The following OPRM1 variants were observed in gnomAD, a reference collection of about 807,000 sequenced individuals.
OPRM1 encodes the protein mu-type opioid receptor.
In OPRM1, 27 loss-of-function variants were observed where a neutral mutation model predicts 31.8. That is an observed-to-expected ratio of 0.85 (90% confidence interval 0.63 to 1.17). The LOEUF is 1.17. Among genes scored for constraint, OPRM1 ranks in the 50% most tolerant of loss-of-function variants. OPRM1 has a pLI of 0.00. For synonymous variants in OPRM1, 196 were observed against 189.9 expected, an observed-to-expected ratio of 1.03 and a Z score of -0.26; for missense variants, 536 against 511.1, an observed-to-expected ratio of 1.05 and a Z score of -0.47.
Position 154,159,965 on chromosome 6 carries a change from ACT to A in OPRM1, c.1164+68498_1164+68499del, listed in dbSNP as rs1387541660. On this transcript the variant is annotated intron_variant, in intron 3 of 3. Transcript: ENST00000337049. ...ATCAGCAGGGTGTTCATGACTTTCCACTCTCTGTATTTCCTGGCTGTCAGCTT... is the reference window on the plus strand; with the variant it reads ...ATCAGCAGGGTGTTCATGACTTTCCACTCTGTATTTCCTGGCTGTCAGCTT... 2.5e-6 allele frequency: 4 copies of A among 1,612,520 alleles called. No individual in the cohort carries two copies. In the African/African-American group the frequency reaches 4.0e-5, roughly 16 times the overall value.
At chr6:154,047,787 G>A (rs535432932) in intron 1 of OPRM1, among the ~76,000 whole-genome samples, 4 of 152,232 alleles carry the variant, frequency 2.6e-5, no homozygotes, top group East Asian at 1.9e-4. Flanking sequence ...AGGTGTCTTC[G>A]TGTGTTCAGG....
intron 1 of OPRM1, among the ~76,000 whole-genome samples, chr6:154,063,505 A>C (rs1467029644): frequency 6.6e-6 from 1 of 151,794 alleles, no homozygotes; most frequent in East Asian, 1.9e-4. Flanking sequence ...ATGCAACATA[A>C]AGTTTCCATT....
At position 154,041,003 on chromosome 6, in the gene OPRM1, G is replaced by A. The variant is rs572737528; in HGVS notation, c.290+1169G>A. ...TTTTAACCAGGGGTATGTGTATATA[G>A]GGAACATGGCATTTTCATATTTAGT... is the stretch of plus-strand genomic sequence containing the variant. On this transcript the variant is annotated intron_variant, in intron 1 of 3. Coordinates refer to ENST00000330432, the MANE Select transcript of OPRM1 (RefSeq NM_000914.5). Among the ~76,000 whole-genome samples, 18 of 151,994 alleles carry A rather than the reference G, an allele frequency of 1.2e-4. No homozygotes were observed. In the East Asian group the frequency reaches 3.5e-3, roughly 29 times the overall value.
At chr6:154,117,214 T>A (rs754790380) in intron 3 of OPRM1, among the ~76,000 whole-genome samples, 54 of 152,238 alleles carry the variant, frequency 3.5e-4, no homozygotes, top group Non-Finnish European at 7.1e-4. Flanking sequence ...ATCCAGCTTA[T>A]GAGTTCTTGC....
intron 1 of OPRM1, among the ~76,000 whole-genome samples, chr6:154,048,373 C>G (rs1290644847): frequency 6.6e-6 from 1 of 152,124 alleles, no homozygotes; most frequent in Non-Finnish European, 1.5e-5. Flanking sequence ...CAACTTAAAT[C>G]CATCCTTTCT....
intron 1 of OPRM1, among the ~76,000 whole-genome samples, chr6:154,083,868 C>T (rs111385418): frequency 0.17 from 23,390 of 140,472 alleles, 1,885 homozygotes; most frequent in African/African-American, 0.18. Context: ...GGCGTGAACC[C>T]GGGAGGCGGA....
intron 3 of OPRM1, among the ~76,000 whole-genome samples, chr6:154,209,205 A>T (rs1027599169): frequency 6.6e-6 from 1 of 152,196 alleles, no homozygotes; most frequent in Non-Finnish European, 1.5e-5. Context: ...TATACTGTTG[A>T]GTTCATTATC....
At chr6:154,151,745 C>T (rs1178812980) in intron 3 of OPRM1, among the ~76,000 whole-genome samples, 3 of 152,008 alleles carry the variant, frequency 2.0e-5, no homozygotes, top group Middle Eastern at 3.2e-3. Context: ...CTAGAACTGC[C>T]GAGGTATGCT....
chr6:154,244,293 T>TGGGG (rs1554298345), intron 3 of OPRM1, among the ~76,000 whole-genome samples: 1 of 74,694 alleles, frequency 1.3e-5, no homozygotes, highest in African/African-American at 6.2e-5. Flanking sequence ...TCGGTGTGTG[T>TGGGG]GTGGGTGGGT....
chr6:154,040,632 A>C (rs1194635310), intron 1 of OPRM1, among the ~76,000 whole-genome samples: 1 of 152,186 alleles, frequency 6.6e-6, no homozygotes, highest in Non-Finnish European at 1.5e-5. Context: ...CATTGCCTTC[A>C]CAAGTTGGAG....
chr6:154,019,983 G>A (rs1032221364), intron 1 of OPRM1, among the ~76,000 whole-genome samples: 10 of 152,054 alleles, frequency 6.6e-5, no homozygotes, highest in African/African-American at 1.7e-4. Flanking sequence ...ATCCATCCAC[G>A]TTGGCCTCCC....
At chr6:154,184,755 T>G (rs1032017094) in intron 3 of OPRM1, among the ~76,000 whole-genome samples, 1 of 148,082 alleles carries the variant, frequency 6.8e-6, no homozygotes, top group Admixed American at 6.6e-5. Context: ...AAAGGAAATC[T>G]TTATTTTTTC....
Position 154,131,440 on chromosome 6 carries a change from T to C in OPRM1, c.*12719T>C, listed in dbSNP as rs904516035. The stretch of plus-strand genomic sequence containing the variant: ...CAACCCTTCCACCCATTGTCCTCTT[T>C]CTAGCTGCTTATATTCCTGAGTCTG... On this transcript the variant is annotated 3_prime_UTR_variant, in exon 4 of 4. Coordinates refer to ENST00000330432, the MANE Select transcript of OPRM1 (RefSeq NM_000914.5). Among the ~76,000 whole-genome samples, 2 of 152,204 alleles carry C rather than the reference T, an allele frequency of 1.3e-5. No homozygotes were observed. The highest frequency in any genetic ancestry group is 4.8e-5 in the African/African-American group (2 of 41,442).
intron 3 of OPRM1, chr6:154,107,772 G>C: frequency 1.4e-6 from 1 of 718,430 alleles, no homozygotes; most frequent in Admixed American, 2.0e-5. Flanking sequence ...GTTTGTTGCT[G>C]ACCAACTTGC....
intron 3 of OPRM1, among the ~76,000 whole-genome samples, chr6:154,166,511 C>T (rs1323901830): frequency 6.6e-6 from 1 of 152,230 alleles, no homozygotes; most frequent in African/African-American, 2.4e-5. Context: ...TTCATTTCTT[C>T]CTGACTCACG....
intron 3 of OPRM1, among the ~76,000 whole-genome samples, chr6:154,100,208 C>A (rs1327564840): frequency 8.0e-6 from 1 of 124,798 alleles, no homozygotes; most frequent in African/African-American, 3.1e-5. Context: ...TATATATTAT[C>A]ATATTATGAC....
At chr6:154,244,614 G>A (rs1374882674) in intron 3 of OPRM1, among the ~76,000 whole-genome samples, 6 of 152,050 alleles carry the variant, frequency 3.9e-5, no homozygotes, top group Non-Finnish European at 4.4e-5. Context: ...GCTGCTCCTT[G>A]TGGAAGCATG....
intron 3 of OPRM1, among the ~76,000 whole-genome samples, chr6:154,213,961 G>C (rs941740691): frequency 6.6e-6 from 1 of 152,214 alleles, no homozygotes; most frequent in African/African-American, 2.4e-5. Flanking sequence ...GTGACTGTTT[G>C]AGATGTCATG....
intron 1 of OPRM1, among the ~76,000 whole-genome samples, chr6:154,022,786 G>C (rs1246453853): frequency 6.6e-6 from 1 of 152,134 alleles, no homozygotes; most frequent in Non-Finnish European, 1.5e-5. Context: ...AGTTTTCCCA[G>C]CACCATTTAT....
Sources: gnomAD v4.1 joint callset for allele counts (sites outside exome capture counted in the v4.1 genomes callset) on GRCh38, gnomAD v4.1.1 for gene constraint, MANE v1.5 for transcripts, NCBI Gene and HGNC (gene_info 2026-07-23, HGNC 2026-07-21) for gene names.